The following MON2 variants were observed in gnomAD, a reference collection of about 807,000 sequenced individuals.
The protein encoded by MON2 is protein MON2 homolog.
In MON2, 84 loss-of-function variants were observed where a neutral mutation model predicts 208.6. That is an observed-to-expected ratio of 0.40 (90% CI 0.34 to 0.48). The LOEUF (loss-of-function observed/expected upper bound fraction) is 0.48, where lower values mean the gene tolerates loss of function less well. Ranked by LOEUF, MON2 falls within the 20% of genes least tolerant of loss-of-function variation. MON2 has a pLI of 0.59. For synonymous variants in MON2, 660 were observed against 694.0 expected (o/e 0.95, Z 0.77); for missense variants, 1,611 against 2,015.4 (o/e 0.80, Z 3.84).
In MON2 at chr12:62,535,522, C is replaced by T; in HGVS notation, c.1716-3C>T. ...CAGATTAAATAAAATACTTTCTTTT[C>T]AGCACAGATGAAGCTGCCACTGAGA... On this transcript the variant is annotated splice_polypyrimidine_tract_variant and splice_region_variant and intron_variant, in intron 13 of 34. Transcript: ENST00000393630. 1 of 1,585,460 alleles carries T rather than the reference C, an allele frequency of 6.3e-7. No individual in the cohort carries two copies. The highest frequency in any genetic ancestry group is 1.2e-5 in the South Asian group (1 of 86,126).
At chr12:62,494,678 A>T (rs182045819) in intron 3 of MON2, among the ~76,000 whole-genome samples, 2 of 152,314 alleles carry the variant, frequency 1.3e-5, no homozygotes, top group Non-Finnish European at 2.9e-5. Flanking sequence ...CAGCAGGCTC[A>T]TAGCTAATTT....
chr12:62,555,885 T>C, intron 24 of MON2, 109 bp from the exon 25 acceptor site: 2 of 784,994 alleles, frequency 2.5e-6, no homozygotes, highest in Middle Eastern at 3.7e-4. Flanking sequence ...GATAAGACTG[T>C]CAAGTATATT....
chr12:62,570,526 C>T (rs139543239), intron 29 of MON2, among the ~76,000 whole-genome samples: 10 of 152,002 alleles, frequency 6.6e-5, no homozygotes, highest in Non-Finnish European at 1.3e-4. Flanking sequence ...ATCATTAGGC[C>T]GTTTCATCGT....
intron 30 of MON2, among the ~76,000 whole-genome samples, chr12:62,575,858 CA>C (rs1460524923): frequency 2.6e-5 from 4 of 152,044 alleles, no homozygotes; most frequent in African/African-American, 9.7e-5. Flanking sequence ...CTTTGAGTAC[CA>C]AAACATGGTA....
chr12:62,547,240 G>A (rs538145144), intron 22 of MON2, among the ~76,000 whole-genome samples, 168 bp downstream of exon 22: 2 of 152,252 alleles, frequency 1.3e-5, no homozygotes, highest in East Asian at 3.9e-4. Flanking sequence ...GCTAAGATCT[G>A]TAATAGTTTT....
chr12:62,472,309 C>T (rs1037150348), intron 1 of MON2, among the ~76,000 whole-genome samples: 1 of 152,068 alleles, frequency 6.6e-6, no homozygotes, highest in African/African-American at 2.4e-5. Flanking sequence ...GATTGCCCAG[C>T]ACTAGAGGAT....
intron 12 of MON2, 54 bp from the exon 13 acceptor site, chr12:62,534,791 C>A (rs1161861309): frequency 3.2e-6 from 4 of 1,265,030 alleles, no homozygotes; most frequent in Non-Finnish European, 4.6e-6. Flanking sequence ...CATATTAATA[C>A]ATATTGTGCT....
intron 8 of MON2, among the ~76,000 whole-genome samples, chr12:62,522,528 G>A (rs766291647): frequency 3.9e-5 from 6 of 152,206 alleles, no homozygotes; most frequent in Non-Finnish European, 8.8e-5. Flanking sequence ...GCCATCAGAT[G>A]TCTCTTGACG....
At chr12:62,478,242 A>G (rs1461405048) in intron 1 of MON2, among the ~76,000 whole-genome samples, 1 of 152,186 alleles carries the variant, frequency 6.6e-6, no homozygotes, top group Non-Finnish European at 1.5e-5. Context: ...AGGCACTGGG[A>G]TAGACAATAA....
chr12:62,581,302 C>T (rs1033464865), intron 32 of MON2, among the ~76,000 whole-genome samples: 1 of 152,164 alleles, frequency 6.6e-6, no homozygotes, highest in Admixed American at 6.6e-5. Context: ...GTTCTGGGAT[C>T]GCTAGGTGGG....
chr12:62,544,149 T>G (rs1158412281), intron 20 of MON2, among the ~76,000 whole-genome samples: 1 of 152,128 alleles, frequency 6.6e-6, no homozygotes, highest in Non-Finnish European at 1.5e-5. Context: ...GTATTATTCT[T>G]AGTAAGAAAA....
At chr12:62,474,942 A>C (rs2135960516) in intron 1 of MON2, among the ~76,000 whole-genome samples, 1 of 152,284 alleles carries the variant, frequency 6.6e-6, no homozygotes, top group South Asian at 2.1e-4. Flanking sequence ...CTATTATGCT[A>C]GTTCCAGATT....
chr12:62,575,156 A>G (rs1430417913), intron 30 of MON2, among the ~76,000 whole-genome samples: 2 of 152,132 alleles, frequency 1.3e-5, no homozygotes, highest in African/African-American at 2.4e-5. Context: ...TATTTGTTGG[A>G]GTAATTGTAA....
chr12:62,494,304 A>G (rs577351175), intron 3 of MON2, among the ~76,000 whole-genome samples: 75 of 152,326 alleles, frequency 4.9e-4, no homozygotes, highest in African/African-American at 1.8e-3. Flanking sequence ...CAAGTTTTCA[A>G]TTTAATTGGT....
chr12:62,512,019 G>C (rs976922921), intron 8 of MON2, among the ~76,000 whole-genome samples: 1 of 152,136 alleles, frequency 6.6e-6, no homozygotes, highest in Non-Finnish European at 1.5e-5. Context: ...ACCAGATCTT[G>C]TGAGACTTAC....
At chr12:62,496,253 C>G (rs1321460296) in intron 4 of MON2, among the ~76,000 whole-genome samples, 1 of 151,888 alleles carries the variant, frequency 6.6e-6, no homozygotes, top group African/African-American at 2.4e-5. Flanking sequence ...TGGTTTCTAG[C>G]TATCAAATTA....
intron 12 of MON2, among the ~76,000 whole-genome samples, chr12:62,534,542 A>AAAATATATATATATAT (rs1555169522): frequency 3.5e-4 from 8 of 22,842 alleles, no homozygotes; most frequent in Non-Finnish European, 5.2e-4. Flanking sequence ...AAAAAAAAAA[A>AAAATATATATATATAT]ATATATATAT....
At chr12:62,560,386 G>C in intron 25 of MON2, 105 bp from the exon 26 acceptor site, 2 of 1,148,670 alleles carry the variant, frequency 1.7e-6, no homozygotes, top group Non-Finnish European at 2.5e-6. Flanking sequence ...AGTTCTGTAG[G>C]ATTTTAAGCA....
At chr12:62,569,277 G>A (rs542792794) in intron 29 of MON2, among the ~76,000 whole-genome samples, 2 of 152,044 alleles carry the variant, frequency 1.3e-5, no homozygotes, top group Non-Finnish European at 2.9e-5. Flanking sequence ...ACTCAAAATG[G>A]CCCTATATCA....
Sources: gnomAD v4.1 joint callset for allele counts (sites outside exome capture counted in the v4.1 genomes callset) on GRCh38, gnomAD v4.1.1 for gene constraint, MANE v1.5 for transcripts, NCBI Gene and HGNC (gene_info 2026-07-23, HGNC 2026-07-21) for gene names.